The following LRP1B variants were observed in gnomAD, a reference collection of about 807,000 sequenced individuals.
LRP1B encodes the protein LDL receptor related protein 1B, also known as low-density lipoprotein receptor-related protein 1B.
A neutral mutation model predicts 556.6 loss-of-function variants in LRP1B; 217 were observed. That is an observed-to-expected ratio of 0.39 (90% CI 0.35 to 0.44). The LOEUF (loss-of-function observed/expected upper bound fraction) is 0.44, where lower values mean the gene tolerates loss of function less well. Among genes scored for constraint, LRP1B ranks in the 20% least tolerant of loss-of-function variants. The pLI is 1.00. For missense variants in LRP1B, 5,053 were observed against 5,620.8 expected, an observed-to-expected ratio of 0.90 and a Z score of 3.23; for synonymous variants, 2,047 against 1,865.8, an observed-to-expected ratio of 1.10 and a Z score of -2.50.
At chr2:142,095,714 C>G (rs1013201581) in intron 1 of LRP1B, among the ~76,000 whole-genome samples, 1 of 151,388 alleles carries the variant, frequency 6.6e-6, no homozygotes, top group Non-Finnish European at 1.5e-5. Context: ...TTTTTTTGAA[C>G]TGGAAAGGAG....
At chr2:140,512,924 C>T (rs1574024423) in intron 51 of LRP1B, among the ~76,000 whole-genome samples, 1 of 152,050 alleles carries the variant, frequency 6.6e-6, no homozygotes, top group Admixed American at 6.6e-5. Flanking sequence ...CTTTATGTGT[C>T]TCAAGCTTGG....
chr2:141,079,092 T>G (rs1699862382), intron 7 of LRP1B, among the ~76,000 whole-genome samples: 1 of 151,948 alleles, frequency 6.6e-6, no homozygotes, highest in Non-Finnish European at 1.5e-5. Flanking sequence ...CATGTACTTA[T>G]AAACCCACAC....
At chr2:140,515,546 A>T (rs1689858808) in intron 50 of LRP1B, among the ~76,000 whole-genome samples, 1 of 152,032 alleles carries the variant, frequency 6.6e-6, no homozygotes, top group Admixed American at 6.6e-5. Context: ...CAAAATATAA[A>T]CTCTTGTAAA....
chr2:141,912,630 T>C (rs1045694311), intron 1 of LRP1B, among the ~76,000 whole-genome samples: 28 of 152,208 alleles, frequency 1.8e-4, no homozygotes, highest in Admixed American at 1.8e-3. Context: ...GCCACTCTGG[T>C]ATATTGACTA....
intron 1 of LRP1B, among the ~76,000 whole-genome samples, chr2:141,813,396 G>A (rs1696423241): frequency 6.6e-6 from 1 of 152,072 alleles, no homozygotes; most frequent in African/African-American, 2.4e-5. Flanking sequence ...AAAAGCTGAA[G>A]TAAGGTGAGA....
At chr2:140,873,028 G>C (rs1693188747) in intron 25 of LRP1B, among the ~76,000 whole-genome samples, 1 of 151,996 alleles carries the variant, frequency 6.6e-6, no homozygotes, top group Non-Finnish European at 1.5e-5. Flanking sequence ...AGGAAAAAAA[G>C]ACTAGTCAAA....
At chr2:140,493,246 G>A (rs1454186644) in intron 56 of LRP1B, among the ~76,000 whole-genome samples, 2 of 152,016 alleles carry the variant, frequency 1.3e-5, no homozygotes, top group Non-Finnish European at 2.9e-5. Flanking sequence ...TTCCTCATGT[G>A]TCTTTTTTTC....
chr2:140,272,872 A>G (rs1406800793), intron 85 of LRP1B, among the ~76,000 whole-genome samples: 1 of 151,910 alleles, frequency 6.6e-6, no homozygotes, highest in African/African-American at 2.4e-5. Flanking sequence ...AGCAATTGTT[A>G]TTTATCCATT....
chr2:140,877,295 C>T (rs1267725123), intron 25 of LRP1B, among the ~76,000 whole-genome samples: 1 of 152,100 alleles, frequency 6.6e-6, no homozygotes, highest in East Asian at 1.9e-4. Context: ...GTTGTTGTTT[C>T]TCTCCCTTCT....
chr2:140,391,167 A>G (rs1684002695), intron 66 of LRP1B, among the ~76,000 whole-genome samples: 1 of 152,204 alleles, frequency 6.6e-6, no homozygotes, highest in African/African-American at 2.4e-5. Context: ...TATATTCATA[A>G]CATTGAATAT....
At chr2:140,867,038 C>G (rs901729224) in intron 27 of LRP1B, among the ~76,000 whole-genome samples, 1 of 152,028 alleles carries the variant, frequency 6.6e-6, no homozygotes, top group Admixed American at 6.6e-5. Flanking sequence ...AAAGGATGAG[C>G]TGACGTTACA....
chr2:140,747,971 C>T (rs1021771226), intron 35 of LRP1B, among the ~76,000 whole-genome samples: 4 of 150,686 alleles, frequency 2.7e-5, no homozygotes, highest in Non-Finnish European at 4.4e-5. Flanking sequence ...TGTTCCATGC[C>T]ACTTAGTCTT....
chr2:140,456,618 G>T lies in LRP1B; in HGVS notation c.9815-15C>A. The T allele has an allele frequency of 6.3e-7, 1 of 1,599,586 alleles. No homozygotes were observed. On this transcript the variant is annotated splice_polypyrimidine_tract_variant and intron_variant, in intron 61 of 90. Transcript: ENST00000389484. Reference sequence around the variant, plus strand: ...ATGTTTGGAGACTAAAGATAAGAAAGAAACAACAACAACAAAACAGGATAA... The same window carrying T: ...ATGTTTGGAGACTAAAGATAAGAAATAAACAACAACAACAAAACAGGATAA...
At chr2:142,114,850 T>G (rs989048429) in intron 1 of LRP1B, among the ~76,000 whole-genome samples, 25 of 152,014 alleles carry the variant, frequency 1.6e-4, no homozygotes, top group Non-Finnish European at 3.2e-4. Flanking sequence ...CACAATAGGG[T>G]GACTATAGTT....
intron 1 of LRP1B, among the ~76,000 whole-genome samples, chr2:141,973,376 T>C (rs544987250): frequency 2.6e-5 from 4 of 151,928 alleles, no homozygotes; most frequent in African/African-American, 9.6e-5. Flanking sequence ...AGCTGTACTT[T>C]TGAGATTTTT....
chr2:140,492,978 G>C (rs1688765941), intron 56 of LRP1B, among the ~76,000 whole-genome samples: 1 of 152,132 alleles, frequency 6.6e-6, no homozygotes. Flanking sequence ...GAAAATATCT[G>C]CTGTTACAAT....
intron 47 of LRP1B, among the ~76,000 whole-genome samples, chr2:140,532,869 T>C (rs1356180100): frequency 7.0e-6 from 1 of 142,232 alleles, no homozygotes. Flanking sequence ...TTGAGGATAC[T>C]TGCAAGCCAA....
chr2:141,796,316 G>A (rs1044274388), intron 2 of LRP1B, among the ~76,000 whole-genome samples: 1 of 151,904 alleles, frequency 6.6e-6, no homozygotes, highest in South Asian at 2.1e-4. Flanking sequence ...ATACCTTCAA[G>A]AATCCACTTA....
At chr2:140,736,349 C>G (rs1440526485) in intron 35 of LRP1B, among the ~76,000 whole-genome samples, 3 of 151,954 alleles carry the variant, frequency 2.0e-5, no homozygotes, top group Admixed American at 6.6e-5. Context: ...AGGGCAGTCC[C>G]AAAGCTTGGC....
Sources: gnomAD v4.1 joint callset for allele counts (sites outside exome capture counted in the v4.1 genomes callset) on GRCh38, gnomAD v4.1.1 for gene constraint, MANE v1.5 for transcripts, NCBI Gene and HGNC (gene_info 2026-07-23, HGNC 2026-07-21) for gene names.